The following PHLPP2 variants were observed in gnomAD, a reference collection of about 807,000 sequenced individuals.
PHLPP2 encodes PH domain leucine-rich repeat-containing protein phosphatase 2.
Under a neutral mutation model 124.9 loss-of-function variants are expected in PHLPP2, and 66 were observed. The ratio of observed to expected loss-of-function variants is 0.53; its 90% CI spans 0.43 to 0.65. The LOEUF (loss-of-function observed/expected upper bound fraction) is 0.65, where lower values mean the gene tolerates loss of function less well. Among genes scored for constraint, PHLPP2 ranks in the 30% least tolerant of loss-of-function variants. The pLI is 0.00. For missense variants in PHLPP2, 1,685 were observed against 1,600.4 expected (o/e 1.05, Z -0.90); for synonymous variants, 681 against 624.7 (o/e 1.09, Z -1.34).
intron 18 of PHLPP2, 80 bp from the exon 19 acceptor site, chr16:71,650,124 G>A (rs750673944): frequency 9.8e-7 from 1 of 1,021,994 alleles, no homozygotes; most frequent in Non-Finnish European, 1.4e-6. Context: ...CAGTGCTTAG[G>A]GAACTATAAT....
At chr16:71,674,498 G>A (rs1159959361) in intron 9 of PHLPP2, among the ~76,000 whole-genome samples, 4 of 150,854 alleles carry the variant, frequency 2.7e-5, no homozygotes, top group South Asian at 2.1e-4. Flanking sequence ...TATTTATAAC[G>A]AAGAAAACAA....
intron 2 of PHLPP2, among the ~76,000 whole-genome samples, chr16:71,705,775 G>A (rs1044845436): frequency 2.6e-5 from 4 of 152,166 alleles, no homozygotes; most frequent in African/African-American, 9.7e-5. Flanking sequence ...CTCCCAAAGT[G>A]CTGGGATTAC....
In PHLPP2 at chr16:71,647,804, A is replaced by G. The variant is rs1173605080; in HGVS notation, c.*1086T>C. 2.6e-5 allele frequency: 4 copies of G among 152,282 alleles called. No individual in the cohort carries two copies. Among genetic ancestry groups the G allele is most frequent in the Non-Finnish European group, 5.9e-5 (4 of 68,086 alleles). The allele number at this position is 152,282 out of a possible 1,614,324, so 9.4% of individuals were successfully genotyped here. ...ACGCCTTCCCCATTTTCATCCCCAA[A>G]AGAAGATCCTATTACCCCAAGTTTC... On this transcript the variant is annotated 3_prime_UTR_variant, in exon 19 of 19. Transcript: ENST00000568954.
chr16:71,692,149 G>A (rs758173314), intron 3 of PHLPP2, among the ~76,000 whole-genome samples: 39 of 151,736 alleles, frequency 2.6e-4, no homozygotes, highest in Non-Finnish European at 4.6e-4. Context: ...GGCTCACTGC[G>A]AGCCCCGCCT....
At position 71,649,982 on chromosome 16, in the gene PHLPP2, A is replaced by AG; in HGVS notation, c.2879dup (p.Trp961LeufsTer18). 1 of 1,613,726 alleles carries AG rather than the reference A, an allele frequency of 6.2e-7. No individual in the cohort carries two copies. Among genetic ancestry groups the AG allele is most frequent in the Non-Finnish European group, 8.5e-7 (1 of 1,180,002 alleles). On this transcript the variant is annotated frameshift_variant, in exon 19 of 19. Coordinates refer to ENST00000568954, the MANE Select transcript of PHLPP2 (RefSeq NM_015020.3). LOFTEE classifies it high-confidence loss of function. ...ATATGTGGGGCTTGGGGAGGATCCA[A>AG]GGGTAGAGGTATGTACAGCCCAGCA...
chr16:71,655,376 C>T lies in PHLPP2; in HGVS notation c.2449G>A (p.Gly817Ser). The T allele has an allele frequency of 6.2e-7, 1 of 1,614,014 alleles. No individual in the cohort carries two copies. The highest frequency in any genetic ancestry group is 8.5e-7 in the Non-Finnish European group (1 of 1,179,970). The change falls in exon 17 of 19, where the codon GGC (glycine) becomes AGC (serine). Residue 817 changes from glycine (G) to serine (S), a missense_variant. By Grantham distance (56) the Gly-to-Ser change is moderately conservative. Coordinates refer to ENST00000568954, the MANE Select transcript of PHLPP2 (RefSeq NM_015020.3). Reference protein sequence around the residue: ...SFAEGVGAVYGMFDGDRNEEL... With the variant: ...SFAEGVGAVYSMFDGDRNEEL... ...TCATTTCGGTCTCCATCAAACATGCCATACACAGCTCCCACCCCCTCTGCA... is the reference window on the plus strand; with the variant it reads ...TCATTTCGGTCTCCATCAAACATGCTATACACAGCTCCCACCCCCTCTGCA...
At chr16:71,670,040 T>C (rs1466744094) in intron 10 of PHLPP2, among the ~76,000 whole-genome samples, 1 of 152,168 alleles carries the variant, frequency 6.6e-6, no homozygotes, top group African/African-American at 2.4e-5. Context: ...TTACCTAAAA[T>C]GGATCAAAAC....
Position 71,690,582 on chromosome 16 carries a change from G to C in PHLPP2, c.546C>G (p.Ile182Met), listed in dbSNP as rs369156314. The part of the protein sequence containing the change: ...RLVVLCGTCL[I>M]VSSVKDCQTG... ...TTTGACAATCCTTCACTGAGGAAAC[G>C]ATAAGGCAGGTACCACAGAGGACAA... is the stretch of plus-strand genomic sequence containing the variant. The change falls in exon 4 of 19, where the codon ATC (isoleucine) becomes ATG (methionine). Residue 182 changes from isoleucine to methionine, a missense_variant. Physicochemically the swap from Ile to Met is conservative, Grantham distance 10. Coordinates refer to ENST00000568954, the MANE Select transcript of PHLPP2 (RefSeq NM_015020.3). 7.4e-5 allele frequency: 120 copies of C among 1,612,878 alleles called. No individual in the cohort carries two copies. Among genetic ancestry groups the C allele is most frequent in the Non-Finnish European group, 9.9e-5 (117 of 1,179,024 alleles).
At chr16:71,698,147 C>A (rs1035297471) in intron 3 of PHLPP2, among the ~76,000 whole-genome samples, 1 of 152,050 alleles carries the variant, frequency 6.6e-6, no homozygotes, top group Non-Finnish European at 1.5e-5. Context: ...GCGCCCGGCC[C>A]AGAAAGTAGG....
At chr16:71,683,629 C>T (rs938286718) in intron 5 of PHLPP2, among the ~76,000 whole-genome samples, 9 of 152,104 alleles carry the variant, frequency 5.9e-5, no homozygotes, top group African/African-American at 2.2e-4. Context: ...GGAAAATGCA[C>T]CTGCAAACAT....
At chr16:71,700,503 G>A (rs570560864) in intron 3 of PHLPP2, among the ~76,000 whole-genome samples, 1 of 139,564 alleles carries the variant, frequency 7.2e-6, no homozygotes, top group Non-Finnish European at 1.5e-5. Flanking sequence ...TATGGGCTGT[G>A]TTTAGTGACT....
intron 3 of PHLPP2, among the ~76,000 whole-genome samples, chr16:71,694,570 A>G (rs2145358880): frequency 6.6e-6 from 1 of 152,354 alleles, no homozygotes; most frequent in South Asian, 2.1e-4. Flanking sequence ...GCTGGAAAAA[A>G]ATTGAGTCAC....
chr16:71,675,096 A>G (rs1313568215), intron 9 of PHLPP2, among the ~76,000 whole-genome samples: 1 of 152,066 alleles, frequency 6.6e-6, no homozygotes, highest in African/African-American at 2.4e-5. Flanking sequence ...CAATCAGGAA[A>G]CTTCTAGAAT....
At position 71,678,812 on chromosome 16, in the gene PHLPP2, T is replaced by C. The variant is rs2044970678; in HGVS notation, c.1211A>G (p.Glu404Gly). Residue 404 changes from glutamate to glycine, a missense_variant, in exon 8 of 19, where the codon GAA becomes GGA. Physicochemically the swap from Glu to Gly is moderately conservative, Grantham distance 98. Transcript: ENST00000568954. Reference protein sequence around the residue: ...DRVVMAGNCLEVLNLGVLNRM... With the variant: ...DRVVMAGNCLGVLNLGVLNRM... ...ATTCAGCACCCCTAAGTTCAGGACT[T>C]CCAGGCAATTTCCTGCCATAACCAC... The C allele has an allele frequency of 6.2e-7, 1 of 1,612,928 alleles. No individual in the cohort carries two copies. The highest frequency in any genetic ancestry group is 1.3e-5 in the African/African-American group (1 of 75,016).
In PHLPP2 at chr16:71,648,914, C is replaced by T. The variant is rs144133911; in HGVS notation, c.3948G>A (p.Pro1316=). ...GTCATAGTGCTGTGTCGAACTCCTC[C>T]GGGGGCTCGGTCCGATCCTCTTCAT... ...EPHEEDRTEP[P]EEFDTAL is the part of the protein sequence containing the mutation. The change falls in exon 19 of 19, where the codon CCG becomes CCA. Residue 1316 remains proline (P), a synonymous_variant. Transcript: ENST00000568954. 5.4e-3 allele frequency: 8,729 copies of T among 1,612,556 alleles called. 140 individuals carry two copies. Among genetic ancestry groups the T allele is most frequent in the South Asian group, 0.036 (3,305 of 90,994 alleles).
intron 1 of PHLPP2, among the ~76,000 whole-genome samples, chr16:71,721,321 A>G (rs1021322247): frequency 6.9e-6 from 1 of 144,092 alleles, no homozygotes; most frequent in African/African-American, 2.6e-5. Context: ...AATAATAACA[A>G]TAATAACGTT....
chr16:71,662,413 G>A (rs1366481636), intron 13 of PHLPP2, among the ~76,000 whole-genome samples: 5 of 150,854 alleles, frequency 3.3e-5, no homozygotes, highest in Non-Finnish European at 5.9e-5. Context: ...CTGGCCAACA[G>A]AGCAAGACTC....
At chr16:71,676,106 G>A (rs754986170) in intron 9 of PHLPP2, among the ~76,000 whole-genome samples, 15 of 151,992 alleles carry the variant, frequency 9.9e-5, no homozygotes, top group Non-Finnish European at 1.5e-5. Flanking sequence ...AAAAAGAGGT[G>A]GCAGGCCAGA....
At chr16:71,664,805 A>G (rs1022246072) in intron 12 of PHLPP2, among the ~76,000 whole-genome samples, 13 of 152,200 alleles carry the variant, frequency 8.5e-5, no homozygotes, top group Non-Finnish European at 1.8e-4. Flanking sequence ...TTATGTATTC[A>G]GCCAATTCCA....
Sources: allele counts gnomAD v4.1 joint callset (sites outside exome capture counted in the v4.1 genomes callset), GRCh38; gene constraint gnomAD v4.1.1; transcripts MANE v1.5; gene names NCBI Gene and HGNC (gene_info 2026-07-23, HGNC 2026-07-21).